Variants in NR6A1 observed in about 807,000 individuals in gnomAD.
The protein encoded by NR6A1 is nuclear receptor subfamily 6 group A member 1, also known as retinoic acid receptor-related testis-associated receptor.
NR6A1 carries 7 observed loss-of-function variants against 59.1 expected under a neutral mutation model. That is an observed-to-expected ratio of 0.12 (90% CI 0.07 to 0.22). The LOEUF (loss-of-function observed/expected upper bound fraction) is 0.22. Among genes scored for constraint, NR6A1 ranks in the 10% least tolerant of loss-of-function variants. The pLI, the probability that NR6A1 is intolerant of heterozygous loss-of-function variation, is 1.00. For missense variants in NR6A1, 468 were observed against 611.6 expected (o/e 0.77, Z 2.48); for synonymous variants, 243 against 236.1 (o/e 1.03, Z -0.27).
chr9:124,553,988 C>T (rs904602961), intron 3 of NR6A1, among the ~76,000 whole-genome samples: 1 of 152,172 alleles, frequency 6.6e-6, no homozygotes, highest in African/African-American at 2.4e-5. Flanking sequence ...ATTCAGCAAT[C>T]TCCTACCTCA....
chr9:124,738,933 C>T (rs920634551), intron 1 of NR6A1, among the ~76,000 whole-genome samples: 1 of 151,246 alleles, frequency 6.6e-6, no homozygotes, highest in South Asian at 2.1e-4. Flanking sequence ...ACCCGGGAGG[C>T]GGAGGTTGCA....
chr9:124,599,970 G>A (rs974586308), intron 2 of NR6A1, among the ~76,000 whole-genome samples: 1 of 152,164 alleles, frequency 6.6e-6, no homozygotes, highest in Non-Finnish European at 1.5e-5. Flanking sequence ...GGCTGAAGGG[G>A]TAAGTTTAGT....
chr9:124,768,945 T>G (rs928129809), intron 1 of NR6A1, among the ~76,000 whole-genome samples: 2 of 152,156 alleles, frequency 1.3e-5, no homozygotes, highest in African/African-American at 4.8e-5. Context: ...CACGCTAATA[T>G]GGGATATAAG....
At chr9:124,657,963 C>G (rs1837312994) in intron 2 of NR6A1, among the ~76,000 whole-genome samples, 1 of 152,056 alleles carries the variant, frequency 6.6e-6, no homozygotes, top group Non-Finnish European at 1.5e-5. Flanking sequence ...CCTTATCAAA[C>G]CTATAAAATC....
intron 1 of NR6A1, 95 bp downstream of exon 1, chr9:124,770,925 C>T (rs1049601059): frequency 1.4e-6 from 1 of 734,626 alleles, no homozygotes. Context: ...CTGCGGCTTC[C>T]CAGGGCGAGG....
At chr9:124,662,940 TCTGTTCAGGAAAA>T (rs1253886491) in intron 2 of NR6A1, among the ~76,000 whole-genome samples, 1 of 152,222 alleles carries the variant, frequency 6.6e-6, no homozygotes, top group Non-Finnish European at 1.5e-5. Flanking sequence ...GAAGCTGATA[TCTGTTCAGGAAAA>T]CTTAAAAAGC....
Position 124,518,135 on chromosome 9 carries a change from T to C in NR6A1, c.*4570A>G, listed in dbSNP as rs1041492835. ...GGCTTGGAGCAGGCTCTGACCTTAC[T>C]CACCGCCTCCCTTTGAGCCTACAGT... On this transcript the variant is annotated 3_prime_UTR_variant, in exon 10 of 10. Coordinates refer to ENST00000487099, the MANE Select transcript of NR6A1 (RefSeq NM_033334.4). 1.3e-5 allele frequency: 2 copies of C among 149,972 alleles called. No individual in the cohort carries two copies. Among genetic ancestry groups the C allele is most frequent in the African/African-American group, 4.9e-5 (2 of 40,558 alleles). 9.3% of individuals were successfully genotyped at this position (149,972 alleles called of 1,614,324 possible). A position where few individuals can be genotyped will look rare whatever the true frequency, so the allele number is the denominator to read the frequency against.
At chr9:124,560,360 T>G (rs969665092) in intron 2 of NR6A1, among the ~76,000 whole-genome samples, 1 of 152,192 alleles carries the variant, frequency 6.6e-6, no homozygotes, top group Non-Finnish European at 1.5e-5. Flanking sequence ...TATTGAAATA[T>G]TTGGGGATCT....
In NR6A1 at chr9:124,752,753, C is replaced by T. The variant is rs140107859; in HGVS notation, c.100+18267G>A. Among the ~76,000 whole-genome samples, 122 of 150,882 alleles carry T rather than the reference C, an allele frequency of 8.1e-4. 2 individuals are homozygous for T. Among genetic ancestry groups the T allele is most frequent in the African/African-American group, 2.3e-3 (95 of 41,044 alleles). ...CTGAAATTCACTAAGCACTAAGAAA[C>T]ACAATGTTTTAAGAAAGACCTAAGT... On this transcript the variant is annotated intron_variant, in intron 1 of 9. Transcript: ENST00000487099.
intron 2 of NR6A1, among the ~76,000 whole-genome samples, chr9:124,571,696 G>C (rs1834440624): frequency 6.6e-6 from 1 of 152,200 alleles, no homozygotes; most frequent in Non-Finnish European, 1.5e-5. Flanking sequence ...CTAGGTGGTA[G>C]TGGTGATCAT....
intron 1 of NR6A1, among the ~76,000 whole-genome samples, chr9:124,769,582 T>C (rs559824861): frequency 6.6e-6 from 1 of 152,332 alleles, no homozygotes; most frequent in East Asian, 1.9e-4. Context: ...CTCCTAACTG[T>C]CCCGGGTGTT....
intron 5 of NR6A1, among the ~76,000 whole-genome samples, chr9:124,539,475 T>A (rs980433876): frequency 6.6e-6 from 1 of 152,206 alleles, no homozygotes; most frequent in Non-Finnish European, 1.5e-5. Flanking sequence ...CCATATCCTA[T>A]AAGAAAGGTT....
intron 1 of NR6A1, among the ~76,000 whole-genome samples, chr9:124,764,953 C>T (rs549730165): frequency 1.4e-4 from 22 of 152,292 alleles, no homozygotes; most frequent in African/African-American, 5.1e-4. Context: ...CTGACACCAA[C>T]TTAAAGGCAA....
At chr9:124,696,933 T>C (rs1036844214) in intron 2 of NR6A1, among the ~76,000 whole-genome samples, 1 of 152,190 alleles carries the variant, frequency 6.6e-6, no homozygotes, top group African/African-American at 2.4e-5. Flanking sequence ...GTTGGGATTA[T>C]AGGCGTGAGC....
intron 7 of NR6A1, among the ~76,000 whole-genome samples, chr9:124,529,941 AAGG>A (rs1294279296): frequency 6.6e-6 from 1 of 152,188 alleles, no homozygotes; most frequent in Non-Finnish European, 1.5e-5. Flanking sequence ...GGGCACAAAA[AAGG>A]AGGACACAAC....
intron 5 of NR6A1, among the ~76,000 whole-genome samples, chr9:124,539,437 C>T (rs1254762964): frequency 1.3e-5 from 2 of 152,178 alleles, no homozygotes; most frequent in East Asian, 1.9e-4. Flanking sequence ...TATTTACTAT[C>T]TGGCCTTTGC....
intron 2 of NR6A1, chr9:124,599,729 T>C: frequency 2.2e-6 from 1 of 462,608 alleles, no homozygotes; most frequent in Non-Finnish European, 3.3e-6. Flanking sequence ...CAAGAGATTG[T>C]TTCCACTTTC....
intron 2 of NR6A1, among the ~76,000 whole-genome samples, chr9:124,644,831 C>T (rs1836885945): frequency 6.6e-6 from 1 of 152,188 alleles, no homozygotes; most frequent in Non-Finnish European, 1.5e-5. Flanking sequence ...AGCAAATTAG[C>T]ATTGGAACTG....
At chr9:124,526,028 A>T (rs1346768955) in intron 8 of NR6A1, among the ~76,000 whole-genome samples, 1 of 152,242 alleles carries the variant, frequency 6.6e-6, no homozygotes, top group Non-Finnish European at 1.5e-5. Context: ...AGGGGTGAGT[A>T]GGCCAAGAGG....
Sources: gnomAD v4.1 joint callset for allele counts (sites outside exome capture counted in the v4.1 genomes callset) on GRCh38, gnomAD v4.1.1 for gene constraint, MANE v1.5 for transcripts, NCBI Gene and HGNC (gene_info 2026-07-23, HGNC 2026-07-21) for gene names.